Variants in GLT6D1 observed in about 807,000 individuals in gnomAD.
The protein encoded by GLT6D1 is glycosyltransferase 6 domain containing 1, also known as putative glycosyltransferase 6 domain-containing protein 1.
In GLT6D1, 9 loss-of-function variants were observed where a neutral mutation model predicts 12.3. The ratio of observed to expected loss-of-function variants is 0.73; its 90% confidence interval spans 0.44 to 1.27. The LOEUF (loss-of-function observed/expected upper bound fraction) is 1.27, where lower values mean the gene tolerates loss of function less well. Ranked by LOEUF, GLT6D1 falls within the 50% of genes most tolerant of loss-of-function variation. GLT6D1 has a pLI of 0.00. For missense variants in GLT6D1, 335 were observed against 346.2 expected, an observed-to-expected ratio of 0.97 and a Z score of 0.26; for synonymous variants, 128 against 132.3, an observed-to-expected ratio of 0.97 and a Z score of 0.23.
intron 3 of GLT6D1, among the ~76,000 whole-genome samples, chr9:135,627,559 A>C (rs1056575359): frequency 6.6e-6 from 1 of 152,158 alleles, no homozygotes; most frequent in African/African-American, 2.4e-5. Context: ...TTTTGTTTAT[A>C]TGTTCATTAG....
intron 2 of GLT6D1, among the ~76,000 whole-genome samples, chr9:135,636,834 C>T (rs1303146574): frequency 6.6e-6 from 1 of 152,120 alleles, no homozygotes; most frequent in Non-Finnish European, 1.5e-5. Flanking sequence ...CTTCTAACAG[C>T]TTGATAGCTG....
At position 135,637,849 on chromosome 9, in the gene GLT6D1, A is replaced by T; in HGVS notation, c.71+1268T>A. Among the ~76,000 whole-genome samples the T allele has an allele frequency of 1.3e-5, 2 of 152,178 alleles. 1 individual carries two copies. The highest frequency in any genetic ancestry group is 3.9e-4 in the East Asian group (2 of 5,192). ...CCCTTACCAGATACATGTTGTGCAA[A>T]GCTTTCATTTTTAAAAACTATTATC... On this transcript the variant is annotated intron_variant, in intron 2 of 4. Transcript: ENST00000371763.
chr9:135,625,546 G>C (rs1371526356), intron 4 of GLT6D1, among the ~76,000 whole-genome samples: 14 of 152,236 alleles, frequency 9.2e-5, no homozygotes, highest in Admixed American at 6.5e-4. Context: ...AACTTTACTA[G>C]TCTGCAAAAT....
At chr9:135,633,390 C>T (rs946917233) in intron 2 of GLT6D1, among the ~76,000 whole-genome samples, 1 of 152,148 alleles carries the variant, frequency 6.6e-6, no homozygotes, top group Non-Finnish European at 1.5e-5. Flanking sequence ...GCCCAGATTA[C>T]AGGTGCCCAC....
chr9:135,634,700 T>C (rs1197177209), intron 2 of GLT6D1, among the ~76,000 whole-genome samples: 1 of 151,852 alleles, frequency 6.6e-6, no homozygotes, highest in African/African-American at 2.4e-5. Context: ...TTTCTTGTTT[T>C]CCCCTAATGT....
rs376057690 is a variant in GLT6D1, at chr9:135,639,335, G to A, written c.-49C>T. ...GAATGTTCAGCTGGCAGGAGACAGC[G>A]ACTTGAGTTAGGGAAGCCTCTGTTC... On this transcript the variant is annotated 5_prime_UTR_variant, in exon 1 of 5. Coordinates refer to ENST00000371763, the MANE Select transcript of GLT6D1 (RefSeq NM_182974.3). 60 of 534,746 alleles carry A rather than the reference G, an allele frequency of 1.1e-4. No homozygotes were observed. Among genetic ancestry groups the A allele is most frequent in the East Asian group, 2.9e-4 (9 of 31,236 alleles). 33.1% of individuals were successfully genotyped at this position (534,746 alleles called of 1,614,324 possible).
intron 2 of GLT6D1, among the ~76,000 whole-genome samples, chr9:135,636,939 G>C (rs555889992): frequency 2.6e-5 from 4 of 151,984 alleles, no homozygotes; most frequent in Admixed American, 2.6e-4. Context: ...CGCAACCTCT[G>C]CCTCCCAGGT....
upstream of GLT6D1, among the ~76,000 whole-genome samples, chr9:135,640,940 G>T (rs1000039498): frequency 6.6e-6 from 1 of 152,132 alleles, no homozygotes; most frequent in African/African-American, 2.4e-5. Flanking sequence ...CTACAGCAGT[G>T]TGCCCTCCTC....
intron 3 of GLT6D1, among the ~76,000 whole-genome samples, chr9:135,626,852 T>G (rs1449869771): frequency 2.0e-5 from 3 of 152,198 alleles, no homozygotes; most frequent in African/African-American, 7.2e-5. Flanking sequence ...GATAGGCTAT[T>G]CAACATCTGA....
At chr9:135,630,508 T>G (rs895927943) in intron 3 of GLT6D1, among the ~76,000 whole-genome samples, 11 of 151,320 alleles carry the variant, frequency 7.3e-5, no homozygotes, top group African/African-American at 2.7e-4. Context: ...TCACCTGTGG[T>G]CAGGAGTTCA....
intron 2 of GLT6D1, among the ~76,000 whole-genome samples, chr9:135,632,582 G>T (rs1373657919): frequency 1.3e-5 from 2 of 152,056 alleles, no homozygotes; most frequent in Non-Finnish European, 2.9e-5. Context: ...AATTTCTGGG[G>T]CCCTGCAGAA....
At chr9:135,627,895 G>A (rs968062869) in intron 3 of GLT6D1, among the ~76,000 whole-genome samples, 1 of 152,072 alleles carries the variant, frequency 6.6e-6, no homozygotes. Flanking sequence ...AGAGTGAAGT[G>A]CTATCTCATT....
intron 2 of GLT6D1, among the ~76,000 whole-genome samples, chr9:135,636,130 G>A (rs551200294): frequency 7.2e-5 from 11 of 152,224 alleles, no homozygotes; most frequent in Non-Finnish European, 1.3e-4. Context: ...TGTGGCAGGC[G>A]GATCACCTGA....
At chr9:135,625,988 G>T in intron 4 of GLT6D1, 81 bp downstream of exon 4, 2 of 1,454,494 alleles carry the variant, frequency 1.4e-6, no homozygotes, top group Non-Finnish European at 1.9e-6. Context: ...AATTATGGTT[G>T]GCTCTTTGGA....
Position 135,634,358 on chromosome 9 carries a change from C to G in GLT6D1, c.72-2880G>C, listed in dbSNP as rs572096214. ...CAGCCAGCTGGTCTCCAACTCCTGA[C>G]CTCAAGTGATCCGCCCGCCTCTGCC... On this transcript the variant is annotated intron_variant, in intron 2 of 4. Transcript: ENST00000371763. Among the ~76,000 whole-genome samples, 53 of 151,574 alleles carry G rather than the reference C, an allele frequency of 3.5e-4. No individual in the cohort carries two copies. The Middle Eastern group carries it at 0.014, about 39-fold the overall frequency.
At chr9:135,632,393 T>A in intron 2 of GLT6D1, among the ~76,000 whole-genome samples, 1 of 152,160 alleles carries the variant, frequency 6.6e-6, no homozygotes, top group East Asian at 1.9e-4. Context: ...TTCAAGACTG[T>A]CCGTCCCCCT....
At chr9:135,640,692 C>G (rs957990634), upstream of GLT6D1, among the ~76,000 whole-genome samples, 2 of 151,460 alleles carry the variant, frequency 1.3e-5, no homozygotes, top group Admixed American at 6.6e-5. Context: ...TGCACTCCAG[C>G]CTGGGTGACA....
chr9:135,636,323 C>T (rs1426640572), intron 2 of GLT6D1, among the ~76,000 whole-genome samples: 1 of 152,116 alleles, frequency 6.6e-6, no homozygotes, highest in Non-Finnish European at 1.5e-5. Flanking sequence ...TACTGCACTC[C>T]AGTCAGGGTG....
At position 135,624,665 on chromosome 9, in the gene GLT6D1, G is replaced by A; in HGVS notation, c.263C>T (p.Ala88Val). ...GLAVFATGRF[A>V]EEYLRPFLHS... The stretch of plus-strand genomic sequence containing the variant: ...TAGGAACGGCCTCAGGTACTCCTCT[G>A]CAAACCTAGGAAACACACAGTGGGG... The change falls in exon 5 of 5, where the codon GCA becomes GTA. Residue 88 changes from alanine (A) to valine (V), a missense_variant. By Grantham distance (64) the Ala-to-Val change is moderately conservative. Transcript: ENST00000371763. 1.3e-6 allele frequency: 2 copies of A among 1,534,010 alleles called. No homozygotes were observed. Among genetic ancestry groups the A allele is most frequent in the Non-Finnish European group, 8.8e-7 (1 of 1,139,736 alleles).
Sources: gnomAD v4.1 joint callset for allele counts (sites outside exome capture counted in the v4.1 genomes callset) on GRCh38, gnomAD v4.1.1 for gene constraint, MANE v1.5 for transcripts, NCBI Gene and HGNC (gene_info 2026-07-23, HGNC 2026-07-21) for gene names.